Variants in COLEC10 observed in about 807,000 individuals in gnomAD.
COLEC10 encodes collectin subfamily member 10.
In COLEC10, 22 loss-of-function variants were observed where a neutral mutation model predicts 28.4. That is an observed-to-expected ratio of 0.78 (90% CI 0.55 to 1.11). The LOEUF is 1.11. COLEC10 is among the 50% of genes least tolerant of loss of function. The pLI, the probability that COLEC10 is intolerant of heterozygous loss-of-function variation, is 0.00. For synonymous variants in COLEC10, 125 were observed against 116.1 expected (o/e 1.08, Z -0.49); for missense variants, 361 against 344.1 (o/e 1.05, Z -0.39).
At chr8:119,039,512 G>T (rs2130149555) in intron 2 of COLEC10, among the ~76,000 whole-genome samples, 1 of 152,296 alleles carries the variant, frequency 6.6e-6, no homozygotes, top group Non-Finnish European at 1.5e-5. Context: ...ATGCTCAATA[G>T]ATAATTATGG....
In COLEC10 at chr8:119,091,238, A is replaced by C. The variant is rs948742703; in HGVS notation, c.292+18A>C. On this transcript the variant is annotated intron_variant, in intron 3 of 5. Coordinates refer to ENST00000332843, the MANE Select transcript of COLEC10 (RefSeq NM_006438.5). ...GAAGAAGGGTAAGTTGCATCTTACT[A>C]TTCTCCAGTAGCAATTCAAAGCAAA... 3 of 1,594,036 alleles carry C rather than the reference A, an allele frequency of 1.9e-6. No individual in the cohort carries two copies. Among genetic ancestry groups the C allele is most frequent in the Non-Finnish European group, 2.6e-6 (3 of 1,162,846 alleles).
At chr8:119,066,619 C>G (rs1485297), upstream of COLEC10, among the ~76,000 whole-genome samples, 12,805 of 152,256 alleles carry the variant, frequency 0.084, 727 homozygotes, top group South Asian at 0.19. Flanking sequence ...AGAATATTTC[C>G]TTGAGATAGT....
chr8:118,986,540 AAAAT>A, the COLEC10 span, among the ~76,000 whole-genome samples: 1 of 152,204 alleles, frequency 6.6e-6, no homozygotes, highest in Non-Finnish European at 1.5e-5. Flanking sequence ...AGTGCTAAGG[AAAAT>A]AAATAGATTA....
the COLEC10 span, among the ~76,000 whole-genome samples, chr8:118,977,392 C>A: frequency 6.8e-6 from 1 of 147,540 alleles, no homozygotes; most frequent in Non-Finnish European, 1.5e-5. Context: ...AAATGTGGCA[C>A]ATATACACCA....
the COLEC10 span, among the ~76,000 whole-genome samples, chr8:118,969,118 T>C: frequency 6.6e-6 from 1 of 151,966 alleles, no homozygotes; most frequent in Non-Finnish European, 1.5e-5. Context: ...CTAGAAGGAA[T>C]TGTGACAATG....
intron 1 of COLEC10, among the ~76,000 whole-genome samples, chr8:118,997,770 C>G (rs2062376): frequency 0.61 from 93,262 of 152,020 alleles, 29,785 homozygotes; most frequent in African/African-American, 0.8. Flanking sequence ...TTCTGCATTA[C>G]TAGAAATTCA....
At chr8:119,092,084 T>G (rs1461219559) in intron 3 of COLEC10, among the ~76,000 whole-genome samples, 1 of 150,512 alleles carries the variant, frequency 6.6e-6, no homozygotes, top group Non-Finnish European at 1.5e-5. Flanking sequence ...TTTTTTTTTT[T>G]TTTGAGATGG....
chr8:119,029,427 A>G (rs2055526194), intron 2 of COLEC10, among the ~76,000 whole-genome samples: 1 of 152,168 alleles, frequency 6.6e-6, no homozygotes, highest in Non-Finnish European at 1.5e-5. Context: ...GTATTATGCT[A>G]TATGAAAATA....
At chr8:118,975,160 T>A in the COLEC10 span, among the ~76,000 whole-genome samples, 1 of 151,980 alleles carries the variant, frequency 6.6e-6, no homozygotes, top group Non-Finnish European at 1.5e-5. Context: ...AAACAGAAGG[T>A]CAGGATGAAA....
At chr8:119,089,378 C>T (rs946377784) in intron 1 of COLEC10, among the ~76,000 whole-genome samples, 2 of 152,050 alleles carry the variant, frequency 1.3e-5, no homozygotes, top group Non-Finnish European at 2.9e-5. Context: ...ATTGTCCATC[C>T]AGAATTTGCT....
At chr8:119,023,000 TTA>T (rs573561109) in intron 2 of COLEC10, among the ~76,000 whole-genome samples, 58 of 152,274 alleles carry the variant, frequency 3.8e-4, no homozygotes, top group African/African-American at 1.3e-3. Flanking sequence ...CACTGCTTAC[TTA>T]CTCCACTGGA....
intron 3 of COLEC10, among the ~76,000 whole-genome samples, chr8:119,097,484 T>C (rs545453538): frequency 4.6e-5 from 7 of 152,216 alleles, no homozygotes; most frequent in Non-Finnish European, 8.8e-5. Flanking sequence ...TATTATAATG[T>C]TTAGTGAATT....
upstream of COLEC10, among the ~76,000 whole-genome samples, chr8:118,993,287 C>T (rs556841494): frequency 2.6e-5 from 4 of 152,216 alleles, no homozygotes; most frequent in African/African-American, 9.6e-5. Context: ...TTGGCTTGTA[C>T]ATAGATGTCT....
chr8:118,980,354 G>T, the COLEC10 span, among the ~76,000 whole-genome samples: 2 of 151,736 alleles, frequency 1.3e-5, no homozygotes, highest in Admixed American at 1.3e-4. Flanking sequence ...CACCATGGCT[G>T]GCTAATTTTT....
upstream of COLEC10, among the ~76,000 whole-genome samples, chr8:118,994,179 C>T (rs920813300): frequency 2.6e-5 from 4 of 152,088 alleles, no homozygotes; most frequent in Non-Finnish European, 1.5e-5. Context: ...CTTTTCAGTC[C>T]TCTTGTAGCT....
the COLEC10 span, among the ~76,000 whole-genome samples, chr8:118,962,997 G>C: frequency 2.4e-3 from 363 of 152,278 alleles, 5 homozygotes; most frequent in African/African-American, 8.2e-3. Flanking sequence ...TAATAATCTA[G>C]TTGGGGAGAC....
chr8:118,979,110 A>T, the COLEC10 span, among the ~76,000 whole-genome samples: 1 of 151,964 alleles, frequency 6.6e-6, no homozygotes, highest in Non-Finnish European at 1.5e-5. Context: ...TTTGTGATTT[A>T]TTTTATTGCC....
chr8:119,012,505 T>A (rs2130087713), intron 2 of COLEC10, among the ~76,000 whole-genome samples: 1 of 150,798 alleles, frequency 6.6e-6, no homozygotes, highest in South Asian at 2.1e-4. Flanking sequence ...AAATGTTCCC[T>A]CTGCTTTAAT....
intron 4 of COLEC10, 186 bp downstream of exon 4, chr8:119,102,587 G>A (rs1815858965): frequency 3.8e-6 from 2 of 531,938 alleles, no homozygotes; most frequent in African/African-American, 4.0e-5. Context: ...CCAAGCCTTG[G>A]GGACAGGGAT....
Sources: gnomAD v4.1 joint callset for allele counts (sites outside exome capture counted in the v4.1 genomes callset) on GRCh38, gnomAD v4.1.1 for gene constraint, MANE v1.5 for transcripts, NCBI Gene and HGNC (gene_info 2026-07-23, HGNC 2026-07-21) for gene names.